SMTNL2: variants seen among roughly 807,000 people sequenced by gnomAD.
The protein encoded by SMTNL2 is smoothelin-like protein 2.
Under a neutral mutation model 44.1 loss-of-function variants are expected in SMTNL2, and 43 were observed. The ratio of observed to expected loss-of-function variants is 0.98; its 90% confidence interval spans 0.76 to 1.26. SMTNL2 has a LOEUF of 1.26. Among genes scored for constraint, SMTNL2 ranks in the 50% most tolerant of loss-of-function variants. The pLI is 0.00. For synonymous variants in SMTNL2, 317 were observed against 287.6 expected, an observed-to-expected ratio of 1.10 and a Z score of -1.03; for missense variants, 646 against 670.2, an observed-to-expected ratio of 0.96 and a Z score of 0.40.
At position 4,600,159 on chromosome 17, in the gene SMTNL2, T is replaced by C. The variant is rs981694162; in HGVS notation, c.1259+2836T>C. On this transcript the variant is annotated intron_variant, in intron 7 of 7. Transcript: ENST00000389313. The surrounding 1 kb of genome is among the most constrained non-coding windows in gnomAD (Gnocchi z 4.7). Reference sequence around the variant, plus strand: ...GGCTGGGAAGACTGGCTCGCCTGCCTGGGGCCTCTGGGGAGGACGACAGCT... The same window carrying C: ...GGCTGGGAAGACTGGCTCGCCTGCCCGGGGCCTCTGGGGAGGACGACAGCT... Among the ~76,000 whole-genome samples the C allele has an allele frequency of 6.6e-6, 1 of 152,144 alleles. No individual in the cohort carries two copies. Among genetic ancestry groups the C allele is most frequent in the Non-Finnish European group, 1.5e-5 (1 of 68,026 alleles).
At chr17:4,586,671 T>G (rs539265223) in intron 1 of SMTNL2, among the ~76,000 whole-genome samples, 1 of 152,318 alleles carries the variant, frequency 6.6e-6, no homozygotes, top group East Asian at 1.9e-4. Flanking sequence ...TGGCAAGCCC[T>G]CTTCGGGGTG....
chr17:4,595,052 C>T lies in SMTNL2; in HGVS notation c.807-93C>T. The T allele has an allele frequency of 6.4e-7, 1 of 1,561,018 alleles. No individual in the cohort carries two copies. The highest frequency in any genetic ancestry group is 8.8e-7 in the Non-Finnish European group (1 of 1,137,836). On this transcript the variant is annotated intron_variant, in intron 4 of 7. Transcript: ENST00000389313. The surrounding 1 kb of genome is among the most constrained non-coding windows in gnomAD (Gnocchi z 5.1). Reference sequence around the variant, plus strand: ...GAGCGCCCATCACGGTGCAGGCTGCCTTGTCCACACTCAGTGCAATGGAGA... The same window carrying T: ...GAGCGCCCATCACGGTGCAGGCTGCTTTGTCCACACTCAGTGCAATGGAGA...
Position 4,598,348 on chromosome 17 carries a change from G to C in SMTNL2, c.1259+1025G>C, listed in dbSNP as rs1283270145. On this transcript the variant is annotated intron_variant, in intron 7 of 7. Transcript: ENST00000389313. This position sits in a 1 kb window ranked among gnomAD's most constrained non-coding sequence, Gnocchi z 4.8. ...CAGGGCACAGATGAGTGGTGTTCGG[G>C]GCTGCCCAATGCTAAGCTCTCTGAA... Among the ~76,000 whole-genome samples the C allele has an allele frequency of 6.6e-6, 1 of 152,184 alleles. No individual in the cohort carries two copies. Among genetic ancestry groups the C allele is most frequent in the Non-Finnish European group, 1.5e-5 (1 of 68,038 alleles).
At chr17:4,593,366 C>T (rs1167812650) in intron 3 of SMTNL2, among the ~76,000 whole-genome samples, 195 bp downstream of exon 3, 5 of 152,250 alleles carry the variant, frequency 3.3e-5, no homozygotes, top group Admixed American at 1.3e-4. Context: ...TGTGAAATAG[C>T]GTCATCCCCT....
At chr17:4,585,504 G>A (rs1328519443) in intron 1 of SMTNL2, among the ~76,000 whole-genome samples, 3 of 152,216 alleles carry the variant, frequency 2.0e-5, no homozygotes, top group Middle Eastern at 3.2e-3. Flanking sequence ...GGTCGAGGGG[G>A]ACGCGATCAG....
chr17:4,589,572 G>A (rs1268955538), intron 1 of SMTNL2, among the ~76,000 whole-genome samples: 1 of 152,252 alleles, frequency 6.6e-6, no homozygotes, highest in East Asian at 1.9e-4. Context: ...AAGAGCTCAG[G>A]GGTCGCCTCC....
At chr17:4,593,562 A>G (rs760398566) in intron 3 of SMTNL2, among the ~76,000 whole-genome samples, 9 of 152,180 alleles carry the variant, frequency 5.9e-5, no homozygotes, top group Non-Finnish European at 1.2e-4. Flanking sequence ...CACTGGATAC[A>G]TGGCACGGGC....
At position 4,607,797 on chromosome 17, in the gene SMTNL2, A is replaced by G. The variant is rs1910341936; in HGVS notation, c.*310A>G. 1 of 245,390 alleles carries G rather than the reference A, an allele frequency of 4.1e-6. No homozygotes were observed. Among genetic ancestry groups the G allele is most frequent in the Non-Finnish European group, 7.8e-6 (1 of 128,524 alleles). 15.2% of individuals were successfully genotyped at this position (245,390 alleles called of 1,614,324 possible). A position where few individuals can be genotyped will look rare whatever the true frequency, so the allele number is the denominator to read the frequency against. ...AATGCTTGTGTTTATAGCTTCCAGA[A>G]TGCTAATCTACAATTTTCCCTCTGG... On this transcript the variant is annotated 3_prime_UTR_variant, in exon 8 of 8. Transcript: ENST00000389313. The surrounding 1 kb of genome is among the most constrained non-coding windows in gnomAD (Gnocchi z 4.7).
At chr17:4,603,995 C>A (rs1376991888) in intron 7 of SMTNL2, among the ~76,000 whole-genome samples, 1 of 152,172 alleles carries the variant, frequency 6.6e-6, no homozygotes, top group African/African-American at 2.4e-5. Flanking sequence ...CAGGCATACG[C>A]CACCACACCC....
In SMTNL2 at chr17:4,584,773, G is replaced by A; in HGVS notation, c.168G>A (p.Leu56=). Residue 56 remains leucine, a synonymous_variant, in exon 1 of 8, where the codon CTG becomes CTA. Coordinates refer to ENST00000389313, the MANE Select transcript of SMTNL2 (RefSeq NM_001114974.2). ...AGGCGATGCGCCTGGCCGGCCCCCT[G>A]GCGCGCACGGTGGCCGACCTGCAGC... ...VAEAMRLAGP[L]ARTVADLQRD... The A allele has an allele frequency of 5.4e-6, 7 of 1,307,744 alleles. No individual in the cohort carries two copies. The highest frequency in any genetic ancestry group is 6.8e-6 in the Non-Finnish European group (7 of 1,031,802). The allele number at this position is 1,307,744 out of a possible 1,614,324, so 81.0% of individuals were successfully genotyped here. A position where few individuals can be genotyped will look rare whatever the true frequency, so the allele number is the denominator to read the frequency against.
At position 4,598,406 on chromosome 17, in the gene SMTNL2, G is replaced by A. The variant is rs974705757; in HGVS notation, c.1259+1083G>A. On this transcript the variant is annotated intron_variant, in intron 7 of 7. Coordinates refer to ENST00000389313, the MANE Select transcript of SMTNL2 (RefSeq NM_001114974.2). The surrounding 1 kb of genome is among the most constrained non-coding windows in gnomAD (Gnocchi z 4.8). ...GAGAAGTAAGGCCGTCCCCAAAGCCGAGTCTTCTGGAGGGCGCGTTTGTTA... is the reference window on the plus strand; with the variant it reads ...GAGAAGTAAGGCCGTCCCCAAAGCCAAGTCTTCTGGAGGGCGCGTTTGTTA... Among the ~76,000 whole-genome samples the A allele has an allele frequency of 1.3e-5, 2 of 152,190 alleles. No individual in the cohort carries two copies. Among genetic ancestry groups the A allele is most frequent in the Non-Finnish European group, 2.9e-5 (2 of 68,030 alleles).
rs1470553725 is a variant in SMTNL2, at chr17:4,607,226, C to T, written c.1260-135C>T. ...GGGTTCTGCCAGGGTTATCTGAATT[C>T]CCCGCTGGTGGGTCCTTGGGAACCT... On this transcript the variant is annotated intron_variant, in intron 7 of 7. Transcript: ENST00000389313. This position sits in a 1 kb window ranked among gnomAD's most constrained non-coding sequence, Gnocchi z 4.7. The T allele has an allele frequency of 5.1e-6, 7 of 1,382,160 alleles. No homozygotes were observed. Among genetic ancestry groups the T allele is most frequent in the Non-Finnish European group, 6.9e-6 (7 of 1,013,420 alleles). The allele number at this position is 1,382,160 out of a possible 1,614,324, so 85.6% of individuals were successfully genotyped here.
chr17:4,604,006 A>G (rs1227631779), intron 7 of SMTNL2, among the ~76,000 whole-genome samples: 7 of 151,900 alleles, frequency 4.6e-5, no homozygotes, highest in African/African-American at 7.3e-5. Context: ...CACCACACCC[A>G]GCTAATTTTT....
chr17:4,593,489 C>T (rs1909670909), intron 3 of SMTNL2, among the ~76,000 whole-genome samples: 1 of 152,238 alleles, frequency 6.6e-6, no homozygotes, highest in Non-Finnish European at 1.5e-5. Context: ...GTGGCCAGTC[C>T]TCCGTGGTAT....
intron 5 of SMTNL2, among the ~76,000 whole-genome samples, chr17:4,596,522 C>T (rs1267843015): frequency 2.0e-5 from 3 of 152,226 alleles, no homozygotes; most frequent in Non-Finnish European, 4.4e-5. Context: ...AAGCAGAAGG[C>T]AGGGGCCCAG....
chr17:4,589,434 G>A (rs953372331), intron 1 of SMTNL2, among the ~76,000 whole-genome samples: 33 of 152,190 alleles, frequency 2.2e-4, no homozygotes, highest in Non-Finnish European at 7.4e-5. Flanking sequence ...TCCCCCTGCC[G>A]ACATGGTCTA....
chr17:4,592,897 G>T lies in SMTNL2; in HGVS notation c.488-32G>T, dbSNP rs777745044. On this transcript the variant is annotated intron_variant, in intron 2 of 7. Transcript: ENST00000389313. This position sits in a 1 kb window ranked among gnomAD's most constrained non-coding sequence, Gnocchi z 4.5. ...CCAGGCCCCTGTGGCTGCCACAGCT[G>T]ACCACCCACCCATGCTGGTCACATG... 6 of 1,588,798 alleles carry T rather than the reference G, an allele frequency of 3.8e-6. No homozygotes were observed. Among genetic ancestry groups the T allele is most frequent in the Middle Eastern group, 1.7e-4 (1 of 5,982 alleles).
rs1909630836 is a variant in SMTNL2 at position 4,592,718 on chromosome 17, G to T, written c.488-211G>T. On this transcript the variant is annotated intron_variant, in intron 2 of 7. Coordinates refer to ENST00000389313, the MANE Select transcript of SMTNL2 (RefSeq NM_001114974.2). The surrounding 1 kb of genome is among the most constrained non-coding windows in gnomAD (Gnocchi z 4.5). ...TGAGGAGCCGACTAGTATTTATTAAGCTGGCCATGAGGGGAAGTTGGGAAA... is the reference window on the plus strand; with the variant it reads ...TGAGGAGCCGACTAGTATTTATTAATCTGGCCATGAGGGGAAGTTGGGAAA... Among the ~76,000 whole-genome samples, 1 of 152,178 alleles carries T rather than the reference G, an allele frequency of 6.6e-6. No individual in the cohort carries two copies. Among genetic ancestry groups the T allele is most frequent in the Admixed American group, 6.5e-5 (1 of 15,284 alleles).
At chr17:4,588,299 C>T (rs528429435) in intron 1 of SMTNL2, among the ~76,000 whole-genome samples, 64 of 152,312 alleles carry the variant, frequency 4.2e-4, no homozygotes, top group African/African-American at 1.5e-3. Context: ...AAAAGCTTTT[C>T]CAATAAGAAG....
Sources: allele counts gnomAD v4.1 joint callset (sites outside exome capture counted in the v4.1 genomes callset), GRCh38; gene constraint gnomAD v4.1.1; non-coding constraint Gnocchi (gnomAD v3.1); transcripts MANE v1.5; gene names NCBI Gene and HGNC (gene_info 2026-07-23, HGNC 2026-07-21).